The following AGAP1 variants were observed in gnomAD, a reference collection of about 807,000 sequenced individuals.
AGAP1 encodes the protein ArfGAP with GTPase domain, ankyrin repeat and PH domain 1.
AGAP1 carries 29 observed loss-of-function variants against 105.3 expected under a neutral mutation model. That is an observed-to-expected ratio of 0.28 (90% CI 0.21 to 0.38). The LOEUF (loss-of-function observed/expected upper bound fraction) is 0.38, where lower values mean the gene tolerates loss of function less well. AGAP1 is among the 10% of genes least tolerant of loss of function. The probability of loss-of-function intolerance (pLI) is 1.00; values close to 1 mark genes in which losing one functional copy is unlikely to be tolerated. For synonymous variants in AGAP1, 509 were observed against 485.9 expected, an observed-to-expected ratio of 1.05 and a Z score of -0.63; for missense variants, 998 against 1,165.1, an observed-to-expected ratio of 0.86 and a Z score of 2.09.
chr2:235,792,754 C>A lies in AGAP1; in HGVS notation c.674-5005C>A, dbSNP rs976030467. Among the ~76,000 whole-genome samples the A allele has an allele frequency of 1.3e-5, 2 of 152,168 alleles. No homozygotes were observed. Among genetic ancestry groups the A allele is most frequent in the Non-Finnish European group, 2.9e-5 (2 of 68,030 alleles). ...TCTGAGAGAGGCTAGGAGGCCCAGG[C>A]TGGGCGGCGCGGACTTGAAGGCGCC... On this transcript the variant is annotated intron_variant, in intron 6 of 17. Transcript: ENST00000304032. The surrounding 1 kb of genome is among the most constrained non-coding windows in gnomAD (Gnocchi z 5.3).
At position 235,549,018 on chromosome 2, in the gene AGAP1, G is replaced by T. The variant is rs1431744700; in HGVS notation, c.163+54169G>T. ...CTGCTTTGCTTGCAAGGTGGTCCGA[G>T]CCTGGGTGGAAAGCACTGCAGGGCA... On this transcript the variant is annotated intron_variant, in intron 1 of 17. Coordinates refer to ENST00000304032, the MANE Select transcript of AGAP1 (RefSeq NM_001037131.3). This position sits in a 1 kb window ranked among gnomAD's most constrained non-coding sequence, Gnocchi z 4.2. 6.6e-6 allele frequency among the ~76,000 whole-genome samples: 1 copy of T among 152,244 alleles called. No individual in the cohort carries two copies. The highest frequency in any genetic ancestry group is 2.4e-5 in the African/African-American group (1 of 41,464).
chr2:235,832,028 G>T (rs1487275467), intron 9 of AGAP1, among the ~76,000 whole-genome samples: 1 of 152,096 alleles, frequency 6.6e-6, no homozygotes, highest in Non-Finnish European at 1.5e-5. Context: ...GGTATCCCCT[G>T]GTCATTTTCA....
chr2:235,836,453 C>G (rs778827096), intron 9 of AGAP1, among the ~76,000 whole-genome samples: 12 of 152,168 alleles, frequency 7.9e-5, no homozygotes, highest in Non-Finnish European at 1.5e-4. Context: ...ATGCTGCTGA[C>G]TTTTGAAAGC....
chr2:235,936,693 G>T lies in AGAP1; in HGVS notation c.1483+5770G>T, dbSNP rs2053008295. On this transcript the variant is annotated intron_variant, in intron 12 of 17. Coordinates refer to ENST00000304032, the MANE Select transcript of AGAP1 (RefSeq NM_001037131.3). This position sits in a 1 kb window ranked among gnomAD's most constrained non-coding sequence, Gnocchi z 4.7. ...AGGCGGCGGTAATGTGATACTGCCG[G>T]TCTCTGACCTGGAAGCTTCTTTGAT... Among the ~76,000 whole-genome samples the T allele has an allele frequency of 6.6e-6, 1 of 152,158 alleles. No individual in the cohort carries two copies. The highest frequency in any genetic ancestry group is 6.5e-5 in the Admixed American group (1 of 15,278).
At chr2:235,704,127 C>T (rs1950404308) in intron 1 of AGAP1, among the ~76,000 whole-genome samples, 1 of 152,202 alleles carries the variant, frequency 6.6e-6, no homozygotes, top group South Asian at 2.1e-4. Context: ...ATGGGCAGGG[C>T]CAGGTGGGAG....
In AGAP1 at chr2:235,732,683, C is replaced by T. The variant is rs1251910987; in HGVS notation, c.311-8280C>T. Among the ~76,000 whole-genome samples the T allele has an allele frequency of 6.6e-6, 1 of 152,126 alleles. No homozygotes were observed. Among genetic ancestry groups the T allele is most frequent in the Non-Finnish European group, 1.5e-5 (1 of 68,026 alleles). ...TGCTCTTCAGCCTTCTTGGCTTGGA[C>T]CTCTCTTCCCAGACATTGTCTTTCC... is the stretch of plus-strand genomic sequence containing the variant. On this transcript the variant is annotated intron_variant, in intron 3 of 17. Coordinates refer to ENST00000304032, the MANE Select transcript of AGAP1 (RefSeq NM_001037131.3). The surrounding 1 kb of genome is among the most constrained non-coding windows in gnomAD (Gnocchi z 4.8).
chr2:235,592,486 A>G (rs1945379294), intron 1 of AGAP1, among the ~76,000 whole-genome samples: 1 of 152,190 alleles, frequency 6.6e-6, no homozygotes. Flanking sequence ...GCAGGGCTCC[A>G]GGAGAGGCTC....
chr2:235,860,436 T>G (rs989452970), intron 9 of AGAP1, among the ~76,000 whole-genome samples: 2 of 152,210 alleles, frequency 1.3e-5, no homozygotes, highest in Non-Finnish European at 2.9e-5. Context: ...AGCTTTCTAG[T>G]CACCACTGTC....
chr2:235,553,859 A>C lies in AGAP1; in HGVS notation c.163+59010A>C, dbSNP rs1462980102. ...ATGGCTTGATTCACTTGATAAGTGAAAGGAACTTCCACGTAAGGATCCCGA... is the reference window on the plus strand; with the variant it reads ...ATGGCTTGATTCACTTGATAAGTGACAGGAACTTCCACGTAAGGATCCCGA... On this transcript the variant is annotated intron_variant, in intron 1 of 17. Transcript: ENST00000304032. The surrounding 1 kb of genome is among the most constrained non-coding windows in gnomAD (Gnocchi z 4.5). Among the ~76,000 whole-genome samples, 2 of 152,228 alleles carry C rather than the reference A, an allele frequency of 1.3e-5. No individual in the cohort carries two copies. The highest frequency in any genetic ancestry group is 6.5e-5 in the Admixed American group (1 of 15,284).
At chr2:235,694,015 T>A (rs1166520860) in intron 1 of AGAP1, among the ~76,000 whole-genome samples, 1 of 152,212 alleles carries the variant, frequency 6.6e-6, no homozygotes, top group Non-Finnish European at 1.5e-5. Context: ...TGTCCATTTA[T>A]CTTGAAGTCT....
At position 235,753,951 on chromosome 2, in the gene AGAP1, A is replaced by G. The variant is rs1422846392; in HGVS notation, c.673+3463A>G. The stretch of plus-strand genomic sequence containing the variant: ...TTGTTAGTGAGAAAAGTAGTTGCTG[A>G]GTAGGAGCTTTATTCAGTACTTAGC... On this transcript the variant is annotated intron_variant, in intron 6 of 17. Transcript: ENST00000304032. This position sits in a 1 kb window ranked among gnomAD's most constrained non-coding sequence, Gnocchi z 4.5. Among the ~76,000 whole-genome samples the G allele has an allele frequency of 6.6e-6, 1 of 152,220 alleles. No homozygotes were observed. Among genetic ancestry groups the G allele is most frequent in the Non-Finnish European group, 1.5e-5 (1 of 68,040 alleles).
chr2:235,597,225 C>T (rs1945554533), intron 1 of AGAP1, among the ~76,000 whole-genome samples: 1 of 152,250 alleles, frequency 6.6e-6, no homozygotes, highest in African/African-American at 2.4e-5. Flanking sequence ...TGCCCGCCTC[C>T]AGGGCAGAGC....
At position 236,046,094 on chromosome 2, in the gene AGAP1, C is replaced by G. The variant is rs1559222921; in HGVS notation, c.1892-2965C>G. On this transcript the variant is annotated intron_variant, in intron 15 of 17. Transcript: ENST00000304032. This position sits in a 1 kb window ranked among gnomAD's most constrained non-coding sequence, Gnocchi z 5.2. Reference sequence around the variant, plus strand: ...GCATGAGTGGCTTCTGTATCTGCAACCCACAGCGGCATGGAGGGCGGTGGG... The same window carrying G: ...GCATGAGTGGCTTCTGTATCTGCAAGCCACAGCGGCATGGAGGGCGGTGGG... 1 of 457,796 alleles carries G rather than the reference C, an allele frequency of 2.2e-6. No homozygotes were observed. The highest frequency in any genetic ancestry group is 4.6e-6 in the Non-Finnish European group (1 of 217,052). 28.4% of individuals were successfully genotyped at this position (457,796 alleles called of 1,614,324 possible).
rs1474055573 is a variant in AGAP1 at position 235,586,525 on chromosome 2, T to G, written c.163+91676T>G. Among the ~76,000 whole-genome samples, 1 of 152,226 alleles carries G rather than the reference T, an allele frequency of 6.6e-6. No homozygotes were observed. Among genetic ancestry groups the G allele is most frequent in the Non-Finnish European group, 1.5e-5 (1 of 68,038 alleles). On this transcript the variant is annotated intron_variant, in intron 1 of 17. Coordinates refer to ENST00000304032, the MANE Select transcript of AGAP1 (RefSeq NM_001037131.3). This position sits in a 1 kb window ranked among gnomAD's most constrained non-coding sequence, Gnocchi z 4.2. Reference sequence around the variant, plus strand: ...GAGCAAGTATTTTGAGTGCTCCTTATGTCCATGCAGAGGCTGACTCCAGAG... The same window carrying G: ...GAGCAAGTATTTTGAGTGCTCCTTAGGTCCATGCAGAGGCTGACTCCAGAG...
At chr2:235,651,960 T>C (rs890781765) in intron 1 of AGAP1, among the ~76,000 whole-genome samples, 1 of 152,236 alleles carries the variant, frequency 6.6e-6, no homozygotes, top group Admixed American at 6.5e-5. Flanking sequence ...TTACAGCAAG[T>C]GTCTTTTGGT....
intron 16 of AGAP1, among the ~76,000 whole-genome samples, chr2:236,071,411 C>A (rs1008808572): frequency 1.3e-5 from 2 of 152,108 alleles, no homozygotes; most frequent in Non-Finnish European, 2.9e-5. Flanking sequence ...CAGAGCCCAC[C>A]CAAGGGACTG....
chr2:235,525,706 G>A (rs1942808644), intron 1 of AGAP1, among the ~76,000 whole-genome samples: 1 of 96,962 alleles, frequency 1.0e-5, no homozygotes. Flanking sequence ...TGCATAATGT[G>A]GAGGACTGAT....
chr2:235,952,820 C>T (rs2053795156), intron 12 of AGAP1, among the ~76,000 whole-genome samples: 1 of 148,198 alleles, frequency 6.7e-6, no homozygotes, highest in African/African-American at 2.5e-5. Context: ...TGCATCCCCT[C>T]CTTCAGCTCA....
intron 13 of AGAP1, among the ~76,000 whole-genome samples, chr2:236,026,506 A>G (rs1390357968): frequency 2.6e-5 from 4 of 152,358 alleles, no homozygotes; most frequent in Non-Finnish European, 4.4e-5. Context: ...AGGCAGGCAC[A>G]TCACCTGAGG....
Sources: allele counts gnomAD v4.1 joint callset (sites outside exome capture counted in the v4.1 genomes callset), GRCh38; gene constraint gnomAD v4.1.1; non-coding constraint Gnocchi (gnomAD v3.1); transcripts MANE v1.5; gene names NCBI Gene and HGNC (gene_info 2026-07-23, HGNC 2026-07-21).